Variants in MCTP2 observed in about 807,000 individuals in gnomAD.
MCTP2 encodes multiple C2 and transmembrane domain-containing protein 2.
In MCTP2, 132 loss-of-function variants were observed where a neutral mutation model predicts 111.6. That is an observed-to-expected ratio of 1.18 (90% CI 1.03 to 1.37). The LOEUF is 1.37. MCTP2 is among the 40% of genes most tolerant of loss of function. The pLI, the probability that MCTP2 is intolerant of heterozygous loss-of-function variation, is 0.00. For synonymous variants in MCTP2, 395 were observed against 387.7 expected (o/e 1.02, Z -0.22); for missense variants, 1,183 against 1,067.9 (o/e 1.11, Z -1.50).
chr15:94,243,736 T>TAC (rs772618006), intron 1 of MCTP2, among the ~76,000 whole-genome samples: 56 of 140,624 alleles, frequency 4.0e-4, no homozygotes, highest in East Asian at 1.0e-3. Flanking sequence ...CATATGTGTA[T>TAC]ACATATATGT....
chr15:94,363,697 C>T (rs182687383), intron 10 of MCTP2, among the ~76,000 whole-genome samples: 1 of 152,120 alleles, frequency 6.6e-6, no homozygotes, highest in Admixed American at 6.6e-5. Context: ...TGATTTCCAT[C>T]GTGTAAATCT....
chr15:94,318,213 G>A (rs2076460772), intron 4 of MCTP2, among the ~76,000 whole-genome samples: 1 of 150,666 alleles, frequency 6.6e-6, no homozygotes. Flanking sequence ...TTACTAGGAA[G>A]AAAATGTTCT....
At chr15:94,397,828 T>C (rs557027256) in intron 14 of MCTP2, among the ~76,000 whole-genome samples, 1 of 152,352 alleles carries the variant, frequency 6.6e-6, no homozygotes, top group Admixed American at 6.5e-5. Flanking sequence ...TCCTATGCTA[T>C]TGAAATTTTT....
At chr15:94,386,526 A>G (rs751047131) in intron 14 of MCTP2, among the ~76,000 whole-genome samples, 5 of 152,206 alleles carry the variant, frequency 3.3e-5, no homozygotes, top group Admixed American at 6.5e-5. Flanking sequence ...TGTTACTCGG[A>G]GAGCCTGTCT....
chr15:94,233,404 C>T (rs1286420725), intron 1 of MCTP2, among the ~76,000 whole-genome samples: 1 of 152,054 alleles, frequency 6.6e-6, no homozygotes, highest in African/African-American at 2.4e-5. Context: ...TATATTCTCT[C>T]TGTGTTATAC....
chr15:94,404,809 GT>G (rs1369645343), intron 17 of MCTP2, among the ~76,000 whole-genome samples: 4 of 152,078 alleles, frequency 2.6e-5, no homozygotes, highest in African/African-American at 9.7e-5. Context: ...TTCATGATGG[GT>G]TGTCTTTCTG....
intron 1 of MCTP2, among the ~76,000 whole-genome samples, chr15:94,232,251 A>C (rs989219027): frequency 2.0e-5 from 3 of 152,134 alleles, no homozygotes; most frequent in Non-Finnish European, 2.9e-5. Flanking sequence ...TGCACTGTCC[A>C]TTTGTTAAGC....
Position 94,399,999 on chromosome 15 carries a change from G to C in MCTP2, c.1965+4G>C. 3.1e-6 allele frequency: 5 copies of C among 1,613,740 alleles called. No individual in the cohort carries two copies. Among genetic ancestry groups the C allele is most frequent in the Non-Finnish European group, 3.4e-6 (4 of 1,179,750 alleles). On this transcript the variant is annotated splice_donor_region_variant and intron_variant, in intron 16 of 22. Coordinates refer to ENST00000357742, the MANE Select transcript of MCTP2 (RefSeq NM_001385001.1). ...CAGCCGCAAGCTGTCCAAAAAGGTG[G>C]GTCGCTACAGTAGGTGGCTTGTTGA...
intron 1 of MCTP2, among the ~76,000 whole-genome samples, chr15:94,234,478 C>T (rs1189130828): frequency 1.3e-5 from 2 of 152,182 alleles, no homozygotes; most frequent in African/African-American, 2.4e-5. Flanking sequence ...TTGTCACACC[C>T]ACGGGGGGCC....
At chr15:94,365,869 C>T (rs190410600) in intron 10 of MCTP2, among the ~76,000 whole-genome samples, 1 of 152,240 alleles carries the variant, frequency 6.6e-6, no homozygotes, top group East Asian at 1.9e-4. Flanking sequence ...TAATTTGTAA[C>T]ATTGTGATTA....
At chr15:94,395,346 A>G (rs2081227002) in intron 14 of MCTP2, among the ~76,000 whole-genome samples, 1 of 152,182 alleles carries the variant, frequency 6.6e-6, no homozygotes, top group African/African-American at 2.4e-5. Context: ...AGGTCAAACA[A>G]TGGGGAATCA....
chr15:94,310,038 G>T (rs1306574837), intron 2 of MCTP2, among the ~76,000 whole-genome samples: 1 of 152,086 alleles, frequency 6.6e-6, no homozygotes, highest in Non-Finnish European at 1.5e-5. Flanking sequence ...CTCTTCCTGA[G>T]TATGTACTTG....
chr15:94,323,003 C>G (rs1042014838), intron 4 of MCTP2, among the ~76,000 whole-genome samples: 1 of 152,116 alleles, frequency 6.6e-6, no homozygotes, highest in Admixed American at 6.5e-5. Flanking sequence ...ATGCCGTCAG[C>G]GAGAGGCTGG....
chr15:94,299,198 A>T (rs2075476925), intron 2 of MCTP2, among the ~76,000 whole-genome samples: 2 of 151,726 alleles, frequency 1.3e-5, no homozygotes, highest in African/African-American at 4.8e-5. Context: ...TGTGTTTTAA[A>T]GCTATTACAA....
chr15:94,464,263 ATATATAT>A (rs1330854599), intron 20 of MCTP2, among the ~76,000 whole-genome samples: 1,333 of 119,116 alleles, frequency 0.011, 97 homozygotes, highest in East Asian at 0.086. Flanking sequence ...TATATTATAT[ATATATAT>A]ATATATATAA....
At chr15:94,388,556 G>A (rs1283525803) in intron 14 of MCTP2, among the ~76,000 whole-genome samples, 2 of 152,122 alleles carry the variant, frequency 1.3e-5, no homozygotes, top group East Asian at 3.8e-4. Context: ...TTGTTTCATG[G>A]ATCATTCTAT....
chr15:94,323,662 T>A (rs2076722983), intron 4 of MCTP2, among the ~76,000 whole-genome samples: 1 of 152,228 alleles, frequency 6.6e-6, no homozygotes, highest in Non-Finnish European at 1.5e-5. Flanking sequence ...TGACTTTGGC[T>A]GCTGTAGTGG....
chr15:94,440,244 C>G lies in MCTP2; in HGVS notation c.2154C>G (p.Val718=). The stretch of plus-strand genomic sequence containing the variant: ...CCTTGGCATTGTTGCTGATCTTTGT[C>G]TACAATTTCATCAGACCTGTGAAAG... ...MIPLALLLIF[V]YNFIRPVKGK... The change falls in exon 18 of 23, where the codon GTC becomes GTG. Residue 718 remains valine (V), a synonymous_variant. Coordinates refer to ENST00000357742, the MANE Select transcript of MCTP2 (RefSeq NM_001385001.1). 2 of 1,614,004 alleles carry G rather than the reference C, an allele frequency of 1.2e-6. No homozygotes were observed. The highest frequency in any genetic ancestry group is 2.2e-5 in the South Asian group (2 of 91,064).
rs546187320 is a variant in MCTP2 at position 94,466,192 on chromosome 15, A to T, written c.2361-4141A>T. Among the ~76,000 whole-genome samples the T allele has an allele frequency of 4.6e-5, 7 of 152,240 alleles. No homozygotes were observed. The South Asian group carries it at 1.5e-3, about 32-fold the overall frequency. On this transcript the variant is annotated intron_variant, in intron 20 of 22. Transcript: ENST00000357742. ...AACATATTAAACATTATGATTTAAT[A>T]TATTGGATTAGATTTCAATATCTGA...
Sources: allele counts gnomAD v4.1 joint callset (sites outside exome capture counted in the v4.1 genomes callset), GRCh38; gene constraint gnomAD v4.1.1; transcripts MANE v1.5; gene names NCBI Gene and HGNC (gene_info 2026-07-23, HGNC 2026-07-21).